Variants in MARCHF1 observed in about 807,000 individuals in gnomAD.
MARCHF1 encodes the protein E3 ubiquitin-protein ligase MARCHF1.
Under a neutral mutation model 54.2 loss-of-function variants are expected in MARCHF1, and 40 were observed. The ratio of observed to expected loss-of-function variants is 0.74; its 90% confidence interval spans 0.57 to 0.96. MARCHF1 has a LOEUF of 0.96. MARCHF1 is among the 40% of genes least tolerant of loss of function. The probability of loss-of-function intolerance (pLI) is 0.00; values close to 1 mark genes in which losing one functional copy is unlikely to be tolerated. For missense variants in MARCHF1, 586 were observed against 656.5 expected (o/e 0.89, Z 1.17); for synonymous variants, 236 against 236.3 (o/e 1.00, Z 0.01).
chr4:163,592,608 G>A (rs1028218385), intron 7 of MARCHF1, among the ~76,000 whole-genome samples: 2 of 152,008 alleles, frequency 1.3e-5, no homozygotes, highest in African/African-American at 4.8e-5. Context: ...TGAAAGCAGA[G>A]GAGGCCAAGT....
At chr4:164,260,995 G>T (rs1177389842) in intron 1 of MARCHF1, among the ~76,000 whole-genome samples, 3 of 152,078 alleles carry the variant, frequency 2.0e-5, no homozygotes, top group Non-Finnish European at 4.4e-5. Flanking sequence ...ATGTTATGGG[G>T]GTGTTCTAAT....
At chr4:163,658,946 TTAAAA>T (rs1743249460) in intron 5 of MARCHF1, among the ~76,000 whole-genome samples, 2 of 151,906 alleles carry the variant, frequency 1.3e-5, no homozygotes, top group African/African-American at 4.8e-5. Flanking sequence ...ACCCTGGAAC[TTAAAA>T]TAAAAAGGAT....
At chr4:163,719,641 C>T (rs11945567) in intron 4 of MARCHF1, among the ~76,000 whole-genome samples, 10 of 151,754 alleles carry the variant, frequency 6.6e-5, no homozygotes, top group Non-Finnish European at 8.8e-5. Context: ...GTTTACAGTC[C>T]CACCAACAGT....
intron 1 of MARCHF1, among the ~76,000 whole-genome samples, chr4:164,205,220 A>G (rs1731573264): frequency 6.6e-6 from 1 of 152,210 alleles, no homozygotes; most frequent in Admixed American, 6.5e-5. Context: ...TATAATGATC[A>G]CATTCTGCCA....
At chr4:163,908,298 G>A (rs548373073) in intron 3 of MARCHF1, among the ~76,000 whole-genome samples, 23 of 152,154 alleles carry the variant, frequency 1.5e-4, no homozygotes, top group African/African-American at 5.5e-4. Context: ...CCTATGACAT[G>A]CAGCATGTTT....
At chr4:163,639,226 G>T (rs1256736991) in intron 5 of MARCHF1, among the ~76,000 whole-genome samples, 1 of 152,074 alleles carries the variant, frequency 6.6e-6, no homozygotes, top group Non-Finnish European at 1.5e-5. Context: ...GGAAAGATGA[G>T]ATTTATTTCT....
At chr4:163,729,172 C>CA (rs1160609306) in intron 4 of MARCHF1, among the ~76,000 whole-genome samples, 1 of 151,906 alleles carries the variant, frequency 6.6e-6, no homozygotes, top group East Asian at 1.9e-4. Context: ...TCAATCTGTC[C>CA]ATATTTTGTT....
intron 4 of MARCHF1, among the ~76,000 whole-genome samples, chr4:163,757,157 T>A (rs1746701411): frequency 6.6e-6 from 1 of 152,218 alleles, no homozygotes; most frequent in Non-Finnish European, 1.5e-5. Flanking sequence ...AGAAGATCAT[T>A]GTGTAAACTG....
chr4:164,278,321 A>C (rs1733938245), intron 1 of MARCHF1, among the ~76,000 whole-genome samples: 1 of 152,200 alleles, frequency 6.6e-6, no homozygotes, highest in Non-Finnish European at 1.5e-5. Context: ...AAAACAAAAG[A>C]AAAATCACTA....
intron 3 of MARCHF1, among the ~76,000 whole-genome samples, chr4:163,939,649 T>C (rs1460121014): frequency 6.6e-6 from 1 of 152,170 alleles, no homozygotes; most frequent in Non-Finnish European, 1.5e-5. Flanking sequence ...TATGTTTATC[T>C]CTTTATTTTT....
At chr4:163,931,421 G>A (rs1433122295) in intron 3 of MARCHF1, among the ~76,000 whole-genome samples, 1 of 152,094 alleles carries the variant, frequency 6.6e-6, no homozygotes, top group Non-Finnish European at 1.5e-5. Context: ...TTTAGATCAT[G>A]AGGGTAGAGC....
At chr4:163,742,091 T>TG (rs1197891032) in intron 4 of MARCHF1, among the ~76,000 whole-genome samples, 3 of 152,116 alleles carry the variant, frequency 2.0e-5, no homozygotes, top group Admixed American at 6.5e-5. Context: ...ATAGGCACAT[T>TG]GGGGGGTGTG....
intron 5 of MARCHF1, among the ~76,000 whole-genome samples, chr4:163,635,697 C>A (rs1382586599): frequency 2.6e-5 from 4 of 151,798 alleles, no homozygotes; most frequent in African/African-American, 9.7e-5. Flanking sequence ...CCTTCTGAAA[C>A]TATTCCAATC....
At chr4:163,973,327 G>A (rs1752586723) in intron 3 of MARCHF1, among the ~76,000 whole-genome samples, 1 of 152,226 alleles carries the variant, frequency 6.6e-6, no homozygotes, top group Non-Finnish European at 1.5e-5. Flanking sequence ...CATCAGCTGG[G>A]AGCTGGTTGT....
In MARCHF1 at chr4:164,258,908, C is replaced by T. The variant is rs1472707468; in HGVS notation, c.-323+124962G>A. ...ATACTTTTGGGAACCACATTCAGTA[C>T]TTATGTATCAACAAAATGAGATTAT... On this transcript the variant is annotated intron_variant, in intron 1 of 9. Coordinates refer to ENST00000514618, the MANE Select transcript of MARCHF1 (RefSeq NM_001394959.1). Among the ~76,000 whole-genome samples the T allele has an allele frequency of 3.9e-5, 6 of 152,014 alleles. 1 individual carries two copies. Among genetic ancestry groups the T allele is most frequent in the Non-Finnish European group, 8.8e-5 (6 of 67,982 alleles).
At chr4:163,581,667 G>A (rs1740238204) in intron 8 of MARCHF1, among the ~76,000 whole-genome samples, 1 of 152,164 alleles carries the variant, frequency 6.6e-6, no homozygotes, top group Non-Finnish European at 1.5e-5. Context: ...GTTAAAGACA[G>A]TTCTTCATTT....
intron 2 of MARCHF1, among the ~76,000 whole-genome samples, chr4:164,034,881 T>C (rs1753960700): frequency 6.6e-6 from 1 of 152,178 alleles, no homozygotes; most frequent in South Asian, 2.1e-4. Context: ...AAAAGTTTTA[T>C]TTTTATGAAG....
chr4:164,159,837 G>C (rs960583456), intron 1 of MARCHF1, among the ~76,000 whole-genome samples: 13 of 152,122 alleles, frequency 8.5e-5, no homozygotes, highest in Non-Finnish European at 1.6e-4. Flanking sequence ...CCACTTAAAA[G>C]CTGCCTGACT....
chr4:163,735,581 T>C (rs1303354780), intron 4 of MARCHF1, among the ~76,000 whole-genome samples: 3 of 152,190 alleles, frequency 2.0e-5, no homozygotes, highest in Non-Finnish European at 4.4e-5. Context: ...ATGTTTGCTA[T>C]GTCCTGACAT....
Sources: gnomAD v4.1 joint callset for allele counts (sites outside exome capture counted in the v4.1 genomes callset) on GRCh38, gnomAD v4.1.1 for gene constraint, MANE v1.5 for transcripts, NCBI Gene and HGNC (gene_info 2026-07-23, HGNC 2026-07-21) for gene names.